FAM20A: variants seen among roughly 807,000 people sequenced by gnomAD.
FAM20A encodes FAM20A golgi associated secretory pathway pseudokinase.
A neutral mutation model predicts 52.0 loss-of-function variants in FAM20A; 42 were observed. The ratio of observed to expected loss-of-function variants is 0.81; its 90% CI spans 0.63 to 1.04. The LOEUF is 1.04. Ranked by LOEUF, FAM20A falls within the 50% of genes least tolerant of loss-of-function variation. FAM20A has a pLI of 0.00. For synonymous variants in FAM20A, 304 were observed against 298.9 expected, an observed-to-expected ratio of 1.02 and a Z score of -0.18; for missense variants, 742 against 712.7, an observed-to-expected ratio of 1.04 and a Z score of -0.47.
Position 68,537,149 on chromosome 17 carries a change from T to A in FAM20A, c.*328A>T. On this transcript the variant is annotated 3_prime_UTR_variant, in exon 11 of 11. Transcript: ENST00000592554. The surrounding 1 kb of genome is among the most constrained non-coding windows in gnomAD (Gnocchi z 4.2). ...CCACTTGATGTCCTTTTATTTGACT[T>A]GTTACCATTAGTACTCTCCTGGGAT... 1.9e-6 allele frequency: 1 copy of A among 515,362 alleles called. No homozygotes were observed. Among genetic ancestry groups the A allele is most frequent in the Non-Finnish European group, 3.7e-6 (1 of 267,920 alleles). The allele number at this position is 515,362 out of a possible 1,614,324, so 31.9% of individuals were successfully genotyped here.
At chr17:68,542,263 T>C in intron 6 of FAM20A, 98 bp from the exon 7 acceptor site, 1 of 1,302,924 alleles carries the variant, frequency 7.7e-7, no homozygotes, top group Non-Finnish European at 1.1e-6. Context: ...AGGGAAACCC[T>C]GAACTCACAG....
chr17:68,558,313 C>T (rs2087112614), intron 1 of FAM20A: 1 of 438,698 alleles, frequency 2.3e-6, no homozygotes, highest in Non-Finnish European at 4.6e-6. Flanking sequence ...GAGATCCTAG[C>T]AGAAAATGAG....
At chr17:68,577,133 G>A (rs767259602) in intron 1 of FAM20A, among the ~76,000 whole-genome samples, 5 of 152,170 alleles carry the variant, frequency 3.3e-5, no homozygotes, top group East Asian at 3.9e-4. Context: ...AGCTGCCAAC[G>A]GTGACCACTC....
intron 1 of FAM20A, among the ~76,000 whole-genome samples, chr17:68,575,815 C>T (rs2087748392): frequency 1.5e-5 from 2 of 134,514 alleles, no homozygotes; most frequent in South Asian, 2.5e-4. Context: ...CACACACACA[C>T]ACACACACAC....
At chr17:68,540,401 C>G in intron 8 of FAM20A, 1 of 448,468 alleles carries the variant, frequency 2.2e-6, no homozygotes, top group Non-Finnish European at 4.4e-6. Flanking sequence ...CCGACCTAAG[C>G]TCCTGTATGA....
Position 68,542,691 on chromosome 17 carries a change from T to C in FAM20A, c.928+3A>G, listed in dbSNP as rs1251930242. ...CGGAATATCACTCGGGCCAGTACTC[T>C]ACCTGGAGAGACAAAGAAAACACTC... is the stretch of plus-strand genomic sequence containing the variant. On this transcript the variant is annotated splice_donor_region_variant and intron_variant, in intron 6 of 10. Coordinates refer to ENST00000592554, the MANE Select transcript of FAM20A (RefSeq NM_017565.4). The C allele has an allele frequency of 6.2e-7, 1 of 1,609,900 alleles. No homozygotes were observed.
chr17:68,566,587 G>A (rs1027153339), intron 1 of FAM20A, among the ~76,000 whole-genome samples: 9 of 152,188 alleles, frequency 5.9e-5, no homozygotes, highest in African/African-American at 2.2e-4. Context: ...GGGTCAAAGA[G>A]GGAAAACAGC....
chr17:68,548,443 T>G (rs2086668925), intron 4 of FAM20A, among the ~76,000 whole-genome samples: 1 of 151,898 alleles, frequency 6.6e-6, no homozygotes, highest in African/African-American at 2.4e-5. Context: ...GGCAAGAGAA[T>G]CGCTTGAACC....
chr17:68,564,945 C>T (rs2087334102), intron 1 of FAM20A, among the ~76,000 whole-genome samples: 1 of 152,132 alleles, frequency 6.6e-6, no homozygotes, highest in Non-Finnish European at 1.5e-5. Context: ...GGAAGGTTCT[C>T]AGAAGACTGG....
intron 1 of FAM20A, among the ~76,000 whole-genome samples, chr17:68,587,060 T>A (rs1391842115): frequency 6.6e-6 from 1 of 152,110 alleles, no homozygotes; most frequent in East Asian, 1.9e-4. Flanking sequence ...CCAGCTATTT[T>A]TTATTTTGTA....
intron 1 of FAM20A, among the ~76,000 whole-genome samples, chr17:68,561,591 C>CTTTTTTT (rs5821662): frequency 1.6e-4 from 20 of 128,930 alleles, no homozygotes; most frequent in African/African-American, 5.7e-4. Context: ...TTTGATTGCT[C>CTTTTTTT]TTTTTTTTTT....
rs12952294 is a variant in FAM20A, at chr17:68,537,357, C to G, written c.*120G>C. On this transcript the variant is annotated 3_prime_UTR_variant, in exon 11 of 11. Coordinates refer to ENST00000592554, the MANE Select transcript of FAM20A (RefSeq NM_017565.4). This position sits in a 1 kb window ranked among gnomAD's most constrained non-coding sequence, Gnocchi z 4.2. ...ACTTGCTGTTTGAGAAAATGTCCTG[C>G]TTCCTTCCTAGCTGACTTGACTCCC... 1.5e-6 allele frequency: 2 copies of G among 1,294,982 alleles called. No homozygotes were observed. The highest frequency in any genetic ancestry group is 2.2e-6 in the Non-Finnish European group (2 of 906,564). The allele number at this position is 1,294,982 out of a possible 1,614,324, so 80.2% of individuals were successfully genotyped here. A position where few individuals can be genotyped will look rare whatever the true frequency, so the allele number is the denominator to read the frequency against.
At chr17:68,572,662 G>A (rs1312470865) in intron 1 of FAM20A, among the ~76,000 whole-genome samples, 2 of 152,208 alleles carry the variant, frequency 1.3e-5, no homozygotes, top group Admixed American at 6.5e-5. Flanking sequence ...TCAGCAGAAC[G>A]AGCTGACTCA....
intron 3 of FAM20A, among the ~76,000 whole-genome samples, chr17:68,554,127 CAT>C (rs34315774): frequency 0.27 from 39,846 of 146,180 alleles, 6,655 homozygotes; most frequent in African/African-American, 0.49. Context: ...TATACACACA[CAT>C]ATATATATAT....
rs1461816567 is a variant in FAM20A, at chr17:68,536,489, T to G, written c.*988A>C. 1 of 454,124 alleles carries G rather than the reference T, an allele frequency of 2.2e-6. No individual in the cohort carries two copies. Among genetic ancestry groups the G allele is most frequent in the African/African-American group, 2.0e-5 (1 of 50,138 alleles). 28.1% of individuals were successfully genotyped at this position (454,124 alleles called of 1,614,324 possible). Reference sequence around the variant, plus strand: ...TACTACACTTTCTTCTAAGGGAGGCTTCAATAAAAAACCTGACTTAGTCTT... The same window carrying G: ...TACTACACTTTCTTCTAAGGGAGGCGTCAATAAAAAACCTGACTTAGTCTT... On this transcript the variant is annotated 3_prime_UTR_variant, in exon 11 of 11. Coordinates refer to ENST00000592554, the MANE Select transcript of FAM20A (RefSeq NM_017565.4).
In FAM20A at chr17:68,600,690, C is replaced by A; in HGVS notation, c.-24G>T. The A allele has an allele frequency of 6.5e-7, 1 of 1,529,470 alleles. No homozygotes were observed. Among genetic ancestry groups the A allele is most frequent in the Non-Finnish European group, 8.7e-7 (1 of 1,144,568 alleles). 94.7% of individuals were successfully genotyped at this position (1,529,470 alleles called of 1,614,324 possible). A position where few individuals can be genotyped will look rare whatever the true frequency, so the allele number is the denominator to read the frequency against. On this transcript the variant is annotated 5_prime_UTR_variant, in exon 1 of 11. Transcript: ENST00000592554. The surrounding 1 kb of genome is among the most constrained non-coding windows in gnomAD (Gnocchi z 6.2). ...ATGGCGTGCTGGCCAAGGGGGACGCCGGGGGCAGGCCGGCTGTCTCCGGGG... is the reference window on the plus strand; with the variant it reads ...ATGGCGTGCTGGCCAAGGGGGACGCAGGGGGCAGGCCGGCTGTCTCCGGGG...
At chr17:68,551,382 A>G (rs2086827173) in intron 4 of FAM20A, 1 of 345,980 alleles carries the variant, frequency 2.9e-6, no homozygotes, top group South Asian at 1.5e-4. Context: ...ATTGTGGTAT[A>G]CAAGTCCGTA....
rs571516105 is a variant in FAM20A at position 68,535,898 on chromosome 17, G to T, written c.*1579C>A. 1 of 453,980 alleles carries T rather than the reference G, an allele frequency of 2.2e-6. No individual in the cohort carries two copies. Among genetic ancestry groups the T allele is most frequent in the Non-Finnish European group, 4.4e-6 (1 of 226,770 alleles). 28.1% of individuals were successfully genotyped at this position (453,980 alleles called of 1,614,324 possible). A position where few individuals can be genotyped will look rare whatever the true frequency, so the allele number is the denominator to read the frequency against. On this transcript the variant is annotated 3_prime_UTR_variant, in exon 11 of 11. Coordinates refer to ENST00000592554, the MANE Select transcript of FAM20A (RefSeq NM_017565.4). ...ACAGTGAAAAGAAGACTTTGGAATA[G>T]GTCTAAACCACTAAATTGTGTGATT...
chr17:68,535,620 A>C lies in FAM20A; in HGVS notation c.*1857T>G, dbSNP rs1460267304. 1 of 454,088 alleles carries C rather than the reference A, an allele frequency of 2.2e-6. No individual in the cohort carries two copies. Among genetic ancestry groups the C allele is most frequent in the Non-Finnish European group, 4.4e-6 (1 of 226,772 alleles). 28.1% of individuals were successfully genotyped at this position (454,088 alleles called of 1,614,324 possible). On this transcript the variant is annotated 3_prime_UTR_variant, in exon 11 of 11. Transcript: ENST00000592554. The stretch of plus-strand genomic sequence containing the variant: ...TGCAGTAGGGCCACAACAGTTAAGG[A>C]AATCTTTGGGATTAAGGTTTCTCTG...
Sources: gnomAD v4.1 joint callset for allele counts (sites outside exome capture counted in the v4.1 genomes callset) on GRCh38, gnomAD v4.1.1 for gene constraint, Gnocchi (gnomAD v3.1) non-coding constraint, MANE v1.5 for transcripts, NCBI Gene and HGNC (gene_info 2026-07-23, HGNC 2026-07-21) for gene names.